The following CAMTA1 variants were observed in gnomAD, a reference collection of about 807,000 sequenced individuals.
CAMTA1 encodes calmodulin-binding transcription activator 1.
In CAMTA1, 27 loss-of-function variants were observed where a neutral mutation model predicts 170.9. The ratio of observed to expected loss-of-function variants is 0.16; its 90% CI spans 0.12 to 0.22. The LOEUF (loss-of-function observed/expected upper bound fraction) is 0.22. CAMTA1 is among the 10% of genes least tolerant of loss of function. The pLI, the probability that CAMTA1 is intolerant of heterozygous loss-of-function variation, is 1.00. For synonymous variants in CAMTA1, 833 were observed against 891.5 expected (o/e 0.93, Z 1.17); for missense variants, 1,619 against 2,217.2 (o/e 0.73, Z 5.42).
intron 3 of CAMTA1, among the ~76,000 whole-genome samples, chr1:6,903,595 G>C (rs759937207): frequency 2.0e-5 from 3 of 152,170 alleles, no homozygotes; most frequent in Non-Finnish European, 2.9e-5. Flanking sequence ...TGTGCTCTTG[G>C]ACATGGCTCA....
chr1:7,716,209 G>A (rs2096608824), intron 11 of CAMTA1, among the ~76,000 whole-genome samples: 1 of 151,932 alleles, frequency 6.6e-6, no homozygotes, highest in African/African-American at 2.4e-5. Flanking sequence ...ATTTTTTTAT[G>A]TTTTGTTGAG....
intron 4 of CAMTA1, among the ~76,000 whole-genome samples, chr1:7,187,570 G>A (rs1002463875): frequency 1.3e-5 from 2 of 152,024 alleles, no homozygotes; most frequent in Non-Finnish European, 2.9e-5. Context: ...AAGTTTCATG[G>A]TAATTTCTGG....
At chr1:7,688,011 C>CTTTGTTTTTTTTTT (rs2096273472) in intron 11 of CAMTA1, among the ~76,000 whole-genome samples, 1 of 103,278 alleles carries the variant, frequency 9.7e-6, no homozygotes, top group Non-Finnish European at 1.9e-5. Context: ...CTCATTATTC[C>CTTTGTTTTTTTTTT]TTTTTTTTTT....
chr1:7,371,884 C>T (rs1279350360), intron 5 of CAMTA1, among the ~76,000 whole-genome samples: 1 of 152,140 alleles, frequency 6.6e-6, no homozygotes, highest in Non-Finnish European at 1.5e-5. Flanking sequence ...AGAGGGTGGC[C>T]CTCTGGGCAT....
chr1:7,344,504 TA>T (rs1452407930), intron 5 of CAMTA1, among the ~76,000 whole-genome samples: 1 of 152,244 alleles, frequency 6.6e-6, no homozygotes. Flanking sequence ...TATTCATTTT[TA>T]CAAGTTAACT....
chr1:6,892,350 C>T (rs1226513372), intron 3 of CAMTA1, among the ~76,000 whole-genome samples: 1 of 152,144 alleles, frequency 6.6e-6, no homozygotes, highest in Non-Finnish European at 1.5e-5. Context: ...AACTGCGGCC[C>T]CCTCTGAGAG....
chr1:7,061,965 TGGA>T (rs1708283480), intron 3 of CAMTA1, among the ~76,000 whole-genome samples: 1 of 152,192 alleles, frequency 6.6e-6, no homozygotes, highest in South Asian at 2.1e-4. Flanking sequence ...TCATCCAGGC[TGGA>T]GTGAAGTGGC....
intron 7 of CAMTA1, among the ~76,000 whole-genome samples, chr1:7,647,639 G>A (rs960016438): frequency 3.9e-5 from 6 of 152,202 alleles, no homozygotes; most frequent in Non-Finnish European, 8.8e-5. Flanking sequence ...CCTAGGGAGA[G>A]GTGCCTGTGC....
At chr1:6,988,438 A>G (rs1255344442) in intron 3 of CAMTA1, among the ~76,000 whole-genome samples, 1 of 152,198 alleles carries the variant, frequency 6.6e-6, no homozygotes, top group Non-Finnish European at 1.5e-5. Context: ...CTTATATACA[A>G]TAAAAACCCG....
chr1:6,830,623 G>T (rs1009666459), intron 3 of CAMTA1, among the ~76,000 whole-genome samples: 1 of 152,126 alleles, frequency 6.6e-6, no homozygotes, highest in African/African-American at 2.4e-5. Flanking sequence ...GATTACAGGC[G>T]TGAGCCACGG....
rs372673213 is a variant in CAMTA1 at position 7,310,600 on chromosome 1, TTTTC to T, written c.438+61018_438+61021del. Among the ~76,000 whole-genome samples the T allele has an allele frequency of 2.7e-4, 15 of 54,550 alleles. 1 individual carries two copies. The highest frequency in any genetic ancestry group is 4.5e-4 in the Non-Finnish European group (14 of 31,142). The allele number at this position is 54,550 out of a possible 152,430, so 35.8% of individuals were successfully genotyped here. On this transcript the variant is annotated intron_variant, in intron 5 of 22. Coordinates refer to ENST00000303635, the MANE Select transcript of CAMTA1 (RefSeq NM_015215.4). The stretch of plus-strand genomic sequence containing the variant: ...AGATTTTTCTTTTTCTTTTCTTTTC[TTTTC>T]TTTCTTTCTTTCTTTCTTTCTTTCT...
chr1:7,089,801 G>A (rs1329965751), intron 3 of CAMTA1, among the ~76,000 whole-genome samples: 1 of 152,134 alleles, frequency 6.6e-6, no homozygotes, highest in Non-Finnish European at 1.5e-5. Context: ...CAAGCAGTAG[G>A]GATAACTGAC....
At chr1:7,549,566 T>A (rs1575974434) in intron 6 of CAMTA1, among the ~76,000 whole-genome samples, 1 of 152,256 alleles carries the variant, frequency 6.6e-6, no homozygotes, top group East Asian at 1.9e-4. Context: ...GTGCTTTAGA[T>A]AAAATGCAGT....
intron 3 of CAMTA1, among the ~76,000 whole-genome samples, chr1:6,879,389 T>C (rs1670827859): frequency 6.6e-6 from 1 of 152,182 alleles, no homozygotes; most frequent in African/African-American, 2.4e-5. Context: ...GTTTCAGAAG[T>C]CAATTAAATC....
chr1:7,622,198 C>A (rs2095603622), intron 6 of CAMTA1, among the ~76,000 whole-genome samples: 1 of 152,214 alleles, frequency 6.6e-6, no homozygotes, highest in Admixed American at 6.5e-5. Context: ...CTCCATTACA[C>A]TTCCCTTAAT....
intron 4 of CAMTA1, among the ~76,000 whole-genome samples, chr1:7,246,513 T>C (rs541320500): frequency 1.7e-4 from 26 of 152,094 alleles, no homozygotes; most frequent in African/African-American, 6.0e-4. Flanking sequence ...TTCCTGCTCT[T>C]CTTGTGGGGA....
chr1:7,664,150 G>A lies in CAMTA1; in HGVS notation c.1603G>A (p.Glu535Lys), dbSNP rs746906253. 35 of 1,612,970 alleles carry A rather than the reference G, an allele frequency of 2.2e-5. No individual in the cohort carries two copies. The highest frequency in any genetic ancestry group is 2.9e-5 in the Non-Finnish European group (34 of 1,180,052). Residue 535 changes from glutamate (E) to lysine (K), a missense_variant, in exon 9 of 23, where the codon GAG becomes AAG. By Grantham distance (56) the Glu-to-Lys change is moderately conservative. Around this residue, in one of 8 missense-constraint regions of CAMTA1, gnomAD observed 731 missense variants for 907.6 expected, o/e 0.81. Transcript: ENST00000303635. Reference protein sequence around the residue: ...TTVLTKEIKTEDTSFEQQMAK... With the variant: ...TTVLTKEIKTKDTSFEQQMAK... The stretch of plus-strand genomic sequence containing the variant: ...CGTCCTCACCAAGGAGATCAAGACC[G>A]AGGACACCTCCTTCGAGCAGCAGAT...
intron 3 of CAMTA1, among the ~76,000 whole-genome samples, chr1:6,914,822 C>T (rs1680451757): frequency 6.6e-6 from 1 of 152,130 alleles, no homozygotes; most frequent in South Asian, 2.1e-4. Context: ...GTTTTTTTCT[C>T]CTCTCCCCAG....
At position 7,293,611 on chromosome 1, in the gene CAMTA1, A is replaced by T. The variant is rs1358028425; in HGVS notation, c.438+43985A>T. ...TTGGTGGTCTGTTTTCATCTTTTAC[A>T]AGCAAAATGCTTGGTATTTCAATAA... On this transcript the variant is annotated intron_variant, in intron 5 of 22. Transcript: ENST00000303635. This position sits in a 1 kb window ranked among gnomAD's most constrained non-coding sequence, Gnocchi z 4.1. Among the ~76,000 whole-genome samples, 1 of 152,162 alleles carries T rather than the reference A, an allele frequency of 6.6e-6. No homozygotes were observed. The highest frequency in any genetic ancestry group is 1.5e-5 in the Non-Finnish European group (1 of 68,030).
Sources: gnomAD v4.1 joint callset for allele counts (sites outside exome capture counted in the v4.1 genomes callset) on GRCh38, gnomAD v4.1.1 for gene constraint, gnomAD v4.1.1 regional missense constraint, Gnocchi (gnomAD v3.1) non-coding constraint, MANE v1.5 for transcripts, NCBI Gene and HGNC (gene_info 2026-07-23, HGNC 2026-07-21) for gene names.